The following DLG2 variants were observed in gnomAD, a reference collection of about 807,000 sequenced individuals.
DLG2 encodes the protein disks large homolog 2.
In DLG2, 45 loss-of-function variants were observed where a neutral mutation model predicts 132.5. The observed-to-expected ratio is 0.34, with a 90% CI of 0.27 to 0.44. DLG2 has a LOEUF of 0.44. DLG2 is among the 20% of genes least tolerant of loss of function. The pLI is 1.00. For missense variants in DLG2, 1,045 were observed against 1,196.9 expected (o/e 0.87, Z 1.87); for synonymous variants, 424 against 419.6 (o/e 1.01, Z -0.13).
At chr11:84,855,751 T>C (rs962792025) in intron 6 of DLG2, among the ~76,000 whole-genome samples, 1 of 152,132 alleles carries the variant, frequency 6.6e-6, no homozygotes. Flanking sequence ...GAGTGACTGT[T>C]CTGAATAAAT....
chr11:85,213,195 T>G (rs1317939603), intron 4 of DLG2, among the ~76,000 whole-genome samples: 7 of 152,158 alleles, frequency 4.6e-5, no homozygotes, highest in Non-Finnish European at 1.0e-4. Context: ...TAAAATTCTC[T>G]AAAATATTTG....
intron 18 of DLG2, among the ~76,000 whole-genome samples, chr11:83,642,408 G>GCT (rs1469594435): frequency 1.3e-5 from 2 of 152,120 alleles, no homozygotes; most frequent in African/African-American, 4.8e-5. Flanking sequence ...GGGATCATTT[G>GCT]TTTTGACTAG....
chr11:84,661,197 G>C (rs1214151276), intron 6 of DLG2, among the ~76,000 whole-genome samples: 2 of 152,138 alleles, frequency 1.3e-5, no homozygotes, highest in African/African-American at 4.8e-5. Context: ...AGGTAGTTTT[G>C]TTTTGTTTTG....
chr11:85,312,020 A>G lies in DLG2; in HGVS notation c.41-26655T>C, dbSNP rs141440779. Among the ~76,000 whole-genome samples, 38 of 152,054 alleles carry G rather than the reference A, an allele frequency of 2.5e-4. 1 individual carries two copies. The Middle Eastern group carries it at 0.017, about 68-fold the overall frequency. On this transcript the variant is annotated intron_variant, in intron 3 of 27. Transcript: ENST00000376104. ...ACTCTGTCCTGTGCTCTTTATCTCT[A>G]CAAGGAATGTTCTTCTCCCTTTTCT...
At chr11:85,446,836 G>T (rs1555129351) in intron 3 of DLG2, among the ~76,000 whole-genome samples, 1 of 150,026 alleles carries the variant, frequency 6.7e-6, no homozygotes, top group Non-Finnish European at 1.5e-5. Context: ...TTTATATATT[G>T]ATATATAATA....
chr11:84,905,365 G>T (rs2091383731), intron 6 of DLG2, among the ~76,000 whole-genome samples: 3 of 152,078 alleles, frequency 2.0e-5, no homozygotes, highest in Admixed American at 6.6e-5. Flanking sequence ...AGTATCCAAT[G>T]CTTTCTCTCT....
chr11:84,140,665 C>T (rs1279910632), intron 9 of DLG2, among the ~76,000 whole-genome samples: 2 of 152,076 alleles, frequency 1.3e-5, no homozygotes, highest in Admixed American at 6.6e-5. Flanking sequence ...ATTTCCCAAA[C>T]ATTAAGGAAT....
At chr11:83,753,797 T>TATGGC (rs1189989663) in intron 18 of DLG2, among the ~76,000 whole-genome samples, 1 of 101,684 alleles carries the variant, frequency 9.8e-6, no homozygotes, top group African/African-American at 5.7e-5. Context: ...ATATATATGA[T>TATGGC]ATATCATATA....
In DLG2 at chr11:83,945,114, T is replaced by C. The variant is rs61898895; in HGVS notation, c.1341-14631A>G. ...AAACTTTCACGGTGGATATTACATA[T>C]AGCTTTTGCATAATGGTGGCACATG... On this transcript the variant is annotated intron_variant, in intron 14 of 27. Transcript: ENST00000376104. Among the ~76,000 whole-genome samples the C allele has an allele frequency of 9.9e-3, 1,507 of 152,194 alleles. 14 individuals carry two copies. The highest frequency in any genetic ancestry group is 0.013 in the Non-Finnish European group (857 of 67,988).
intron 7 of DLG2, among the ~76,000 whole-genome samples, chr11:84,468,498 C>T (rs779475406): frequency 6.6e-5 from 10 of 151,506 alleles, no homozygotes; most frequent in Non-Finnish European, 1.0e-4. Flanking sequence ...TGATTTAACA[C>T]ACCAGTTGAG....
chr11:83,839,168 C>T (rs1214991158), intron 16 of DLG2, among the ~76,000 whole-genome samples: 1 of 152,150 alleles, frequency 6.6e-6, no homozygotes, highest in African/African-American at 2.4e-5. Context: ...TTTACCTGGA[C>T]CCCATTGATT....
At chr11:83,844,547 CAA>C (rs59755957) in intron 16 of DLG2, among the ~76,000 whole-genome samples, 732 of 70,598 alleles carry the variant, frequency 0.01, 4 homozygotes, top group African/African-American at 0.032. Flanking sequence ...GAGTCTGTAT[CAA>C]AAAAAAAAAA....
At chr11:83,963,111 C>T (rs2089278582) in intron 13 of DLG2, 88 bp from the exon 14 acceptor site, 1 of 1,447,956 alleles carries the variant, frequency 6.9e-7, no homozygotes, top group Non-Finnish European at 9.5e-7. Flanking sequence ...GTATTAAAAA[C>T]AGAAAGGCTT....
At chr11:84,854,757 T>C (rs1476199495) in intron 6 of DLG2, among the ~76,000 whole-genome samples, 3 of 151,970 alleles carry the variant, frequency 2.0e-5, no homozygotes, top group Non-Finnish European at 4.4e-5. Flanking sequence ...AAACCGTGTA[T>C]TAAAGCCTAC....
At chr11:84,522,077 C>T (rs980359550) in intron 7 of DLG2, among the ~76,000 whole-genome samples, 1 of 151,414 alleles carries the variant, frequency 6.6e-6, no homozygotes. Flanking sequence ...CTGAAGCAGG[C>T]GAATCACTTG....
At chr11:83,792,286 C>T (rs1445445489) in intron 17 of DLG2, among the ~76,000 whole-genome samples, 2 of 151,882 alleles carry the variant, frequency 1.3e-5, no homozygotes, top group Non-Finnish European at 2.9e-5. Flanking sequence ...TTTGCTATTG[C>T]ACATTTTCAA....
chr11:83,880,229 A>G (rs2065830960), intron 15 of DLG2, among the ~76,000 whole-genome samples: 1 of 152,186 alleles, frequency 6.6e-6, no homozygotes, highest in African/African-American at 2.4e-5. Context: ...CAAGATGGAG[A>G]TAACAGTGAT....
chr11:84,784,954 T>G (rs992715961), intron 6 of DLG2, among the ~76,000 whole-genome samples: 9 of 152,168 alleles, frequency 5.9e-5, no homozygotes, highest in Non-Finnish European at 1.2e-4. Context: ...TAAAGTATTC[T>G]CATCACAGAA....
chr11:84,541,791 C>T (rs1469140694), intron 6 of DLG2, among the ~76,000 whole-genome samples: 1 of 152,090 alleles, frequency 6.6e-6, no homozygotes, highest in Non-Finnish European at 1.5e-5. Context: ...TATACTCATA[C>T]TCATTTTCTA....
Sources: gnomAD v4.1 joint callset for allele counts (sites outside exome capture counted in the v4.1 genomes callset) on GRCh38, gnomAD v4.1.1 for gene constraint, MANE v1.5 for transcripts, NCBI Gene and HGNC (gene_info 2026-07-23, HGNC 2026-07-21) for gene names.